Variants in ZNF177 observed in about 807,000 individuals in gnomAD.
ZNF177 encodes zinc finger protein 177.
In ZNF177, 17 loss-of-function variants were observed where a neutral mutation model predicts 19.4. The ratio of observed to expected loss-of-function variants is 0.87; its 90% confidence interval spans 0.60 to 1.31. ZNF177 has a LOEUF of 1.31. Among genes scored for constraint, ZNF177 ranks in the 40% most tolerant of loss-of-function variants. ZNF177 has a pLI of 0.00. For synonymous variants in ZNF177, 220 were observed against 188.7 expected (o/e 1.17, Z -1.36); for missense variants, 633 against 561.8 (o/e 1.13, Z -1.28).
At chr19:9,379,702 A>G in intron 4 of ZNF177, 83 bp downstream of exon 6, 1 of 1,468,408 alleles carries the variant, frequency 6.8e-7, no homozygotes. Context: ...AGGAAAAGAA[A>G]TCTGAGGCCA....
chr19:9,371,372 A>G (rs910281505), intron 2 of ZNF177, among the ~76,000 whole-genome samples: 1 of 152,072 alleles, frequency 6.6e-6, no homozygotes, highest in African/African-American at 2.4e-5. Flanking sequence ...TTGAAGAAAT[A>G]AAGTTATTTG....
chr19:9,378,764 G>C, intron 2 of ZNF177, 198 bp from the exon 5 acceptor site: 1 of 822,262 alleles, frequency 1.2e-6, no homozygotes, highest in Non-Finnish European at 1.7e-6. Flanking sequence ...CCCTGAATGA[G>C]ATGGCCCAGG....
At chr19:9,379,744 A>G (rs1201094226) in intron 4 of ZNF177, 125 bp downstream of exon 6, 17 of 1,172,018 alleles carry the variant, frequency 1.5e-5, no homozygotes, top group South Asian at 1.4e-4. Context: ...TTCACCATCT[A>G]TTCAATCGTT....
chr19:9,380,135 A>G (rs1456747501), exon 5 of ZNF177: 2 of 1,607,422 alleles, frequency 1.2e-6, no homozygotes, highest in South Asian at 2.2e-5. Context: ...AATGGCATAA[A>G]CACGGTAAGA....
chr19:9,380,530 G>A (rs1055268858), intron 5 of ZNF177, 138 bp from the exon 8 acceptor site: 27 of 1,507,858 alleles, frequency 1.8e-5, no homozygotes, highest in Admixed American at 1.2e-4. Flanking sequence ...AAAGTCATAC[G>A]CACCTACTGA....
At chr19:9,365,394 G>A (rs2067963689) in intron 2 of ZNF177, among the ~76,000 whole-genome samples, 1 of 151,836 alleles carries the variant, frequency 6.6e-6, no homozygotes. Flanking sequence ...AAGGGGTAGA[G>A]ACACAGAGAG....
At chr19:9,379,251 C>G (rs2068154558) in intron 3 of ZNF177, 163 bp downstream of exon 5, 1 of 1,244,974 alleles carries the variant, frequency 8.0e-7, no homozygotes, top group Non-Finnish European at 1.1e-6. Flanking sequence ...TGAAAATGCA[C>G]TGATTTCATT....
chr19:9,380,648 A>C lies in ZNF177; in HGVS notation c.337-20A>C, dbSNP rs1227070759. 1 of 1,535,930 alleles carries C rather than the reference A, an allele frequency of 6.5e-7. No individual in the cohort carries two copies. Among genetic ancestry groups the C allele is most frequent in the Admixed American group, 2.0e-5 (1 of 50,970 alleles). The stretch of plus-strand genomic sequence containing the variant: ...GAAAGTGAAAAAGCCTCTAGTCACC[A>C]CTTACTCCCTTTTCAACAGGCAGAA... On this transcript the variant is annotated intron_variant, in intron 5 of 5. Coordinates refer to ENST00000589262, the Ensembl canonical transcript of ZNF177.
At chr19:9,369,939 G>T (rs1488239501) in intron 2 of ZNF177, among the ~76,000 whole-genome samples, 6 of 151,822 alleles carry the variant, frequency 4.0e-5, no homozygotes, top group African/African-American at 1.5e-4. Context: ...CACGAATTTG[G>T]TATTATTACC....
upstream of ZNF177, among the ~76,000 whole-genome samples, chr19:9,372,022 T>G (rs1230610634): frequency 6.6e-6 from 1 of 152,244 alleles, no homozygotes; most frequent in Non-Finnish European, 1.5e-5. Context: ...ACCTGTGTGT[T>G]AGCTATGTCT....
chr19:9,374,068 G>A (rs577182466), upstream of ZNF177, among the ~76,000 whole-genome samples: 5 of 152,132 alleles, frequency 3.3e-5, no homozygotes, highest in South Asian at 2.1e-4. Flanking sequence ...AATCCATTTT[G>A]AGTTGATTTT....
intron 3 of ZNF177, 40 bp from the exon 6 acceptor site, chr19:9,379,487 T>A (rs1174241935): frequency 1.3e-5 from 20 of 1,596,740 alleles, no homozygotes; most frequent in Admixed American, 3.5e-5. Flanking sequence ...TATTTAATTC[T>A]CACACATTTC....
chr19:9,379,827 T>TTTTTA, intron 4 of ZNF177: 2 of 682,622 alleles, frequency 2.9e-6, no homozygotes, highest in South Asian at 2.2e-5. Context: ...GAATGCTTTT[T>TTTTTA]GCCAGATAAT....
At chr19:9,374,848 C>T (rs775540626), upstream of ZNF177, among the ~76,000 whole-genome samples, 1 of 151,978 alleles carries the variant, frequency 6.6e-6, no homozygotes, top group Admixed American at 6.6e-5. Context: ...TGTTTTCTTG[C>T]GTAATTGTTC....
exon 6 of ZNF177, chr19:9,382,132 G>A (rs1599398288): frequency 2.5e-6 from 1 of 399,650 alleles, no homozygotes; most frequent in African/African-American, 2.1e-5. Context: ...ACTAGTTGCT[G>A]TCTCAATATC....
exon 3 of ZNF177, chr19:9,378,970 A>G: frequency 1.2e-6 from 2 of 1,606,826 alleles, no homozygotes; most frequent in Non-Finnish European, 1.7e-6. Flanking sequence ...AGAACTCAGT[A>G]ACCTTCCAGG....
At chr19:9,381,694 A>C (rs2230752) in exon 6 of ZNF177, 15 of 1,613,968 alleles carry the variant, frequency 9.3e-6, no homozygotes, top group Non-Finnish European at 1.3e-5. Context: ...TTATAAATGT[A>C]TTCAGTGTGA....
chr19:9,378,110 A>C, intron 1 of ZNF177, 149 bp from the exon 4 acceptor site: 2 of 602,060 alleles, frequency 3.3e-6, no homozygotes, highest in Non-Finnish European at 5.3e-6. Context: ...TTCTAATTTG[A>C]GGATATACTG....
intron 2 of ZNF177, among the ~76,000 whole-genome samples, chr19:9,366,084 G>GT (rs1445038066): frequency 2.6e-5 from 4 of 152,280 alleles, no homozygotes; most frequent in Middle Eastern, 3.4e-3. Flanking sequence ...CCGGGTTCAA[G>GT]TGATTCTCCT....
Sources: gnomAD v4.1 joint callset for allele counts (sites outside exome capture counted in the v4.1 genomes callset) on GRCh38, gnomAD v4.1.1 for gene constraint, MANE v1.5 for transcripts, NCBI Gene and HGNC (gene_info 2026-07-23, HGNC 2026-07-21) for gene names.